Variants in SLC30A8 observed in about 807,000 individuals in gnomAD.
SLC30A8 encodes the protein solute carrier family 30 member 8.
A neutral mutation model predicts 36.9 loss-of-function variants in SLC30A8; 27 were observed. The observed-to-expected ratio is 0.73, with a 90% confidence interval of 0.54 to 1.01. SLC30A8 has a LOEUF of 1.01. Among genes scored for constraint, SLC30A8 ranks in the 50% least tolerant of loss-of-function variants. SLC30A8 has a pLI of 0.00. For missense variants in SLC30A8, 439 were observed against 452.0 expected (o/e 0.97, Z 0.26); for synonymous variants, 164 against 172.4 (o/e 0.95, Z 0.38).
chr8:117,005,798 G>A (rs1458121036), intron 1 of SLC30A8, among the ~76,000 whole-genome samples: 1 of 152,148 alleles, frequency 6.6e-6, no homozygotes, highest in Non-Finnish European at 1.5e-5. Context: ...GAAATAACCT[G>A]AACAGTTTTC....
chr8:116,964,667 C>T (rs2130601474), intron 1 of SLC30A8, among the ~76,000 whole-genome samples: 1 of 152,288 alleles, frequency 6.6e-6, no homozygotes, highest in African/African-American at 2.4e-5. Flanking sequence ...GCTCACACAG[C>T]AGGCACAGAA....
intron 3 of SLC30A8, among the ~76,000 whole-genome samples, chr8:117,156,313 G>A (rs1220568197): frequency 6.6e-6 from 1 of 152,148 alleles, no homozygotes; most frequent in Non-Finnish European, 1.5e-5. Context: ...AAAGTGCTGG[G>A]ATTACAGGCA....
intron 2 of SLC30A8, among the ~76,000 whole-genome samples, chr8:117,082,686 C>T (rs1166196280): frequency 6.6e-6 from 1 of 152,128 alleles, no homozygotes; most frequent in Non-Finnish European, 1.5e-5. Flanking sequence ...ACAGAGAGGA[C>T]TGACAGAGAA....
chr8:117,098,517 T>C (rs982630799), intron 2 of SLC30A8, among the ~76,000 whole-genome samples: 5 of 152,184 alleles, frequency 3.3e-5, no homozygotes, highest in African/African-American at 1.2e-4. Context: ...GATAAACTGC[T>C]ACTTGAACTA....
At chr8:117,121,805 A>G (rs1479953407) in intron 2 of SLC30A8, among the ~76,000 whole-genome samples, 1 of 151,948 alleles carries the variant, frequency 6.6e-6, no homozygotes, top group Non-Finnish European at 1.5e-5. Context: ...CTGAGAAGCA[A>G]AAAGTAGAAT....
intron 1 of SLC30A8, among the ~76,000 whole-genome samples, chr8:116,994,818 A>G (rs182513664): frequency 2.6e-5 from 4 of 152,218 alleles, no homozygotes; most frequent in African/African-American, 7.2e-5. Flanking sequence ...TAACATGTAT[A>G]ATTCATGTAC....
chr8:117,120,432 G>T (rs185416915), intron 2 of SLC30A8, among the ~76,000 whole-genome samples: 1 of 151,954 alleles, frequency 6.6e-6, no homozygotes, highest in East Asian at 1.9e-4. Context: ...GAATGAAATT[G>T]CACCCTTATT....
At chr8:117,062,382 A>T (rs926369240) in intron 2 of SLC30A8, among the ~76,000 whole-genome samples, 5 of 152,154 alleles carry the variant, frequency 3.3e-5, no homozygotes, top group Admixed American at 2.0e-4. Context: ...GCCTCAAGGA[A>T]CTTTTACTTA....
At chr8:116,959,231 T>C (rs1343504091) in intron 1 of SLC30A8, among the ~76,000 whole-genome samples, 1 of 152,226 alleles carries the variant, frequency 6.6e-6, no homozygotes, top group Non-Finnish European at 1.5e-5. Flanking sequence ...CCATTAATTA[T>C]TTTTCTGCAG....
rs1446423783 is a variant in SLC30A8, at chr8:117,126,673, A to G, written c.-225-8607A>G. ...GAACTGGGGAGACAACAGTGTGGAA[A>G]GAGCTGAAGCCCCTAGCCACTAACA... is the stretch of plus-strand genomic sequence containing the variant. On this transcript the variant is annotated intron_variant, in intron 2 of 10. Coordinates refer to the SLC30A8 transcript ENST00000427715. Among the ~76,000 whole-genome samples the G allele has an allele frequency of 8.5e-5, 13 of 152,220 alleles. No homozygotes were observed. The East Asian group carries it at 2.5e-3, about 30-fold the overall frequency.
chr8:116,978,200 A>G (rs1815119809), intron 1 of SLC30A8, among the ~76,000 whole-genome samples: 1 of 152,042 alleles, frequency 6.6e-6, no homozygotes, highest in South Asian at 2.1e-4. Flanking sequence ...TACATACATA[A>G]AGTCTTAGCC....
intron 2 of SLC30A8, among the ~76,000 whole-genome samples, chr8:117,115,342 AT>A (rs1228003991): frequency 1.3e-5 from 2 of 152,132 alleles, no homozygotes; most frequent in East Asian, 3.9e-4. Flanking sequence ...GCCCAGCATC[AT>A]CCCTGTCTGC....
chr8:117,161,494 G>A (rs1822788627), intron 4 of SLC30A8, among the ~76,000 whole-genome samples: 2 of 152,202 alleles, frequency 1.3e-5, no homozygotes, highest in Non-Finnish European at 2.9e-5. Flanking sequence ...ACATGAAACA[G>A]ATAAACATTA....
chr8:117,010,218 G>A lies in SLC30A8; in HGVS notation c.-265-29001G>A, dbSNP rs555445212. Among the ~76,000 whole-genome samples the A allele has an allele frequency of 1.1e-4, 17 of 152,312 alleles. No homozygotes were observed. The South Asian group carries it at 1.9e-3, about 17-fold the overall frequency. Reference sequence around the variant, plus strand: ...GTACTCTTCCAAACTGAGGCAAAGCGGTTAGGCTCTGGAACCACTTCTTAT... The same window carrying A: ...GTACTCTTCCAAACTGAGGCAAAGCAGTTAGGCTCTGGAACCACTTCTTAT... On this transcript the variant is annotated intron_variant, in intron 1 of 10. Transcript: ENST00000427715.
In SLC30A8 at chr8:116,963,979, C is replaced by T. The variant is rs577327067; in HGVS notation, c.-266+12860C>T. On this transcript the variant is annotated intron_variant, in intron 1 of 10. Transcript: ENST00000427715. ...CTGAGGATTAATAACCTTTGTGAAA[C>T]GTTAAAGGCCTTCTGAAAGCAGCCT... 4.6e-5 allele frequency among the ~76,000 whole-genome samples: 7 copies of T among 152,284 alleles called. No homozygotes were observed. The South Asian group carries it at 6.2e-4, about 14-fold the overall frequency.
chr8:117,083,723 C>T (rs148050702), intron 2 of SLC30A8, among the ~76,000 whole-genome samples: 2 of 152,306 alleles, frequency 1.3e-5, no homozygotes, highest in African/African-American at 4.8e-5. Flanking sequence ...ATGTTACAAT[C>T]TGGATCTGTG....
intron 1 of SLC30A8, among the ~76,000 whole-genome samples, chr8:116,995,684 A>G (rs1465799272): frequency 1.3e-5 from 2 of 152,082 alleles, no homozygotes; most frequent in African/African-American, 2.4e-5. Context: ...AGGGTTTTGT[A>G]TCCTCAGAAT....
chr8:117,007,731 A>G (rs1816228362), intron 1 of SLC30A8, among the ~76,000 whole-genome samples: 1 of 152,220 alleles, frequency 6.6e-6, no homozygotes, highest in Non-Finnish European at 1.5e-5. Flanking sequence ...TGTGGAAACT[A>G]AGGCATAGAG....
chr8:117,170,463 G>A lies in SLC30A8; in HGVS notation c.830-571G>A, dbSNP rs185706598. ...AATAAGATGGTATTATACAATGTTAGGATCCTCTATTAGCACAGTTCACTA... is the reference window on the plus strand; with the variant it reads ...AATAAGATGGTATTATACAATGTTAAGATCCTCTATTAGCACAGTTCACTA... On this transcript the variant is annotated intron_variant, in intron 6 of 7. Coordinates refer to ENST00000456015, the MANE Select transcript of SLC30A8 (RefSeq NM_173851.3). Among the ~76,000 whole-genome samples the A allele has an allele frequency of 9.2e-5, 14 of 152,204 alleles. No homozygotes were observed. The East Asian group carries it at 2.7e-3, about 30-fold the overall frequency.
Sources: gnomAD v4.1 joint callset for allele counts (sites outside exome capture counted in the v4.1 genomes callset) on GRCh38, gnomAD v4.1.1 for gene constraint, MANE v1.5 for transcripts, NCBI Gene and HGNC (gene_info 2026-07-23, HGNC 2026-07-21) for gene names.